The following TBC1D9B variants were observed in gnomAD, a reference collection of about 807,000 sequenced individuals.
TBC1D9B encodes TBC1 domain family, member 9B (with GRAM domain).
In TBC1D9B, 87 loss-of-function variants were observed where a neutral mutation model predicts 121.1. The ratio of observed to expected loss-of-function variants is 0.72; its 90% confidence interval spans 0.60 to 0.86. TBC1D9B has a LOEUF of 0.86. Ranked by LOEUF, TBC1D9B falls within the 40% of genes least tolerant of loss-of-function variation. The pLI, the probability that TBC1D9B is intolerant of heterozygous loss-of-function variation, is 0.00. For synonymous variants in TBC1D9B, 668 were observed against 670.1 expected (o/e 1.00, Z 0.05); for missense variants, 1,540 against 1,628.6 (o/e 0.95, Z 0.94).
At position 179,865,988 on chromosome 5, in the gene TBC1D9B, C is replaced by A; in HGVS notation, c.2864-100G>T. On this transcript the variant is annotated intron_variant, in intron 18 of 20. Transcript: ENST00000355235. This position sits in a 1 kb window ranked among gnomAD's most constrained non-coding sequence, Gnocchi z 5.1. ...GATGTAGTCTGTGTTTCTGTACAGC[C>A]AGCCCCAGGCCAGGCCCTGGGGAGC... is the stretch of plus-strand genomic sequence containing the variant. The A allele has an allele frequency of 1.4e-6, 2 of 1,464,390 alleles. No homozygotes were observed. Among genetic ancestry groups the A allele is most frequent in the Non-Finnish European group, 1.9e-6 (2 of 1,051,096 alleles). The allele number at this position is 1,464,390 out of a possible 1,614,324, so 90.7% of individuals were successfully genotyped here.
intron 6 of TBC1D9B, among the ~76,000 whole-genome samples, 156 bp from the exon 7 acceptor site, chr5:179,888,468 C>T (rs906810456): frequency 6.6e-6 from 1 of 152,142 alleles, no homozygotes; most frequent in Non-Finnish European, 1.5e-5. Flanking sequence ...CCACCCGCTG[C>T]ACCTAACCCC....
At position 179,891,696 on chromosome 5, in the gene TBC1D9B, A is replaced by G. The variant is rs1298749125; in HGVS notation, c.837-110T>C. 1.2e-5 allele frequency: 15 copies of G among 1,245,482 alleles called. No individual in the cohort carries two copies. The highest frequency in any genetic ancestry group is 1.6e-5 in the Non-Finnish European group (14 of 892,366). 77.2% of individuals were successfully genotyped at this position (1,245,482 alleles called of 1,614,324 possible). ...GGCCTGTTTCCACATCAGATTCAGGATCCCTGGGGTGGTCCCTTGAGCAAG... is the reference window on the plus strand; with the variant it reads ...GGCCTGTTTCCACATCAGATTCAGGGTCCCTGGGGTGGTCCCTTGAGCAAG... On this transcript the variant is annotated intron_variant, in intron 5 of 20. Coordinates refer to ENST00000355235, the MANE Select transcript of TBC1D9B (RefSeq NM_015043.4). This position sits in a 1 kb window ranked among gnomAD's most constrained non-coding sequence, Gnocchi z 4.3.
chr5:179,878,289 G>A lies in TBC1D9B; in HGVS notation c.1782+20C>T. The A allele has an allele frequency of 6.2e-7, 1 of 1,601,102 alleles. No homozygotes were observed. Among genetic ancestry groups the A allele is most frequent in the Non-Finnish European group, 8.5e-7 (1 of 1,174,998 alleles). On this transcript the variant is annotated intron_variant, in intron 10 of 20. Transcript: ENST00000355235. Reference sequence around the variant, plus strand: ...CTCTGGTGGCAGATGCTGTCTCTGGGCCCCTGTCAGGCCCCTTACCTGGCA... The same window carrying A: ...CTCTGGTGGCAGATGCTGTCTCTGGACCCCTGTCAGGCCCCTTACCTGGCA...
chr5:179,904,666 C>A lies in TBC1D9B; in HGVS notation c.229+36G>T, dbSNP rs765879826. 6.5e-7 allele frequency: 1 copy of A among 1,527,822 alleles called. No homozygotes were observed. The highest frequency in any genetic ancestry group is 8.9e-7 in the Non-Finnish European group (1 of 1,127,434). 94.6% of individuals were successfully genotyped at this position (1,527,822 alleles called of 1,614,324 possible). ...TCGGCAACGGCCCTTCCAGGGCAGG[C>A]CCTGCCCAGCACCCCTCACCACTCA... On this transcript the variant is annotated intron_variant, in intron 2 of 20. Transcript: ENST00000355235. This position sits in a 1 kb window ranked among gnomAD's most constrained non-coding sequence, Gnocchi z 4.2.
chr5:179,892,932 G>A (rs1760905415), intron 5 of TBC1D9B, among the ~76,000 whole-genome samples: 2 of 152,202 alleles, frequency 1.3e-5, no homozygotes, highest in South Asian at 4.1e-4. Flanking sequence ...ACCTAGGGAT[G>A]GTAAGAGCCC....
Position 179,867,833 on chromosome 5 carries a change from T to C in TBC1D9B, c.2808A>G (p.Glu936=), listed in dbSNP as rs748879457. The C allele has an allele frequency of 6.6e-7, 1 of 1,526,292 alleles. No individual in the cohort carries two copies. Among genetic ancestry groups the C allele is most frequent in the Non-Finnish European group, 8.8e-7 (1 of 1,136,444 alleles). 94.5% of individuals were successfully genotyped at this position (1,526,292 alleles called of 1,614,324 possible). The change falls in exon 18 of 21, where the codon GAA becomes GAG. Residue 936 remains glutamate (E), a synonymous_variant. Transcript: ENST00000355235. The part of the protein sequence containing the change: ...LHLPPALSPE[E]AESALEAAHY... ...GGGCCGCCTCCAGGGCTGACTCGGC[T>C]TCCTCTGGGCTCAGAGCTGTGCTTG...
chr5:179,869,798 T>C lies in TBC1D9B; in HGVS notation c.2762A>G (p.Lys921Arg), dbSNP rs765814771. Residue 921 changes from lysine to arginine, a missense_variant, in exon 17 of 21, where the codon AAG (lysine) becomes AGG (arginine). Transcript: ENST00000355235. ...GGGAAGGTGTAGCTTGTAGAGCACC[T>C]TGAGCTTCTCTGTCAGGTCCCCGTG... ...MYHGDLTEKL[K>R]VLYKLHLPPA... 6.3e-7 allele frequency: 1 copy of C among 1,582,418 alleles called. No homozygotes were observed. Among genetic ancestry groups the C allele is most frequent in the East Asian group, 2.2e-5 (1 of 44,468 alleles).
chr5:179,903,092 C>T (rs1761207386), intron 2 of TBC1D9B, among the ~76,000 whole-genome samples: 1 of 152,212 alleles, frequency 6.6e-6, no homozygotes, highest in Non-Finnish European at 1.5e-5. Flanking sequence ...GTCTCATCAT[C>T]TTCTCCCAGG....
rs1432419733 is a variant in TBC1D9B at position 179,899,275 on chromosome 5, C to G, written c.262G>C (p.Glu88Gln). 1.9e-6 allele frequency: 3 copies of G among 1,613,796 alleles called. No homozygotes were observed. In the South Asian group the frequency reaches 3.3e-5, roughly 18 times the overall value. ...TGGAGCAAGTTATTTTCCAGCCATT[C>G]CCAGTGTTTTGTGATCTCTTTGCGG... is the stretch of plus-strand genomic sequence containing the variant. The part of the protein sequence containing the change: ...SSRKEITKHW[E>Q]WLENNLLQTL... Residue 88 changes from glutamate to glutamine, a missense_variant, in exon 3 of 21, where the codon GAA becomes CAA. Physicochemically the swap from Glu to Gln is conservative, Grantham distance 29 (BLOSUM62 2). Transcript: ENST00000355235.
rs748833395 is a variant in TBC1D9B at position 179,871,473 on chromosome 5, T to G, written c.2473A>C (p.Met825Leu). 3 of 1,612,874 alleles carry G rather than the reference T, an allele frequency of 1.9e-6. No individual in the cohort carries two copies. Among genetic ancestry groups the G allele is most frequent in the Admixed American group, 1.7e-5 (1 of 59,926 alleles). Residue 825 changes from methionine (M) to leucine (L), a missense_variant, in exon 15 of 21, where the codon ATG becomes CTG. Transcript: ENST00000355235. ...FSIEELEDLY[M>L]VFKAKHLASQ... is the part of the protein sequence containing the mutation. Reference sequence around the variant, plus strand: ...CTCTGAGCTGTCACCTTAAACACCATGTAAAGGTCCTCCAGCTCTTCAATG... The same window carrying G: ...CTCTGAGCTGTCACCTTAAACACCAGGTAAAGGTCCTCCAGCTCTTCAATG...
At chr5:179,886,278 C>T (rs762117385) in intron 7 of TBC1D9B, among the ~76,000 whole-genome samples, 3 of 152,202 alleles carry the variant, frequency 2.0e-5, no homozygotes, top group Non-Finnish European at 2.9e-5. Context: ...GCACTCTGTC[C>T]GATGTGTTCA....
At chr5:179,866,294 A>C in intron 18 of TBC1D9B, 1 of 186,146 alleles carries the variant, frequency 5.4e-6, no homozygotes, top group Non-Finnish European at 1.1e-5. Flanking sequence ...GACCCCTTCC[A>C]CCCGCGCCTG....
Position 179,902,809 on chromosome 5 carries a change from C to A in TBC1D9B, c.229+1893G>T, listed in dbSNP as rs1761198545. On this transcript the variant is annotated intron_variant, in intron 2 of 20. Coordinates refer to ENST00000355235, the MANE Select transcript of TBC1D9B (RefSeq NM_015043.4). This position sits in a 1 kb window ranked among gnomAD's most constrained non-coding sequence, Gnocchi z 4.9. ...CAGGAAGCCCCTCCTCTGGCAAACT[C>A]TTGCTGCCCCCAGGGTCCACTCAGG... 6.6e-6 allele frequency among the ~76,000 whole-genome samples: 1 copy of A among 152,112 alleles called. No homozygotes were observed. The highest frequency in any genetic ancestry group is 2.4e-5 in the African/African-American group (1 of 41,424).
chr5:179,905,588 G>A (rs2113655670), intron 1 of TBC1D9B, among the ~76,000 whole-genome samples: 1 of 152,300 alleles, frequency 6.6e-6, no homozygotes, highest in African/African-American at 2.4e-5. Context: ...CACACATTAA[G>A]CAGTCTGTGG....
At position 179,907,852 on chromosome 5, in the gene TBC1D9B, G is replaced by A. The variant is rs541814388; in HGVS notation, c.-31C>T. 1.6e-3 allele frequency: 1,744 copies of A among 1,061,864 alleles called. 6 individuals carry two copies. Among genetic ancestry groups the A allele is most frequent in the Non-Finnish European group, 1.9e-3 (1,643 of 871,752 alleles). The allele number at this position is 1,061,864 out of a possible 1,614,324, so 65.8% of individuals were successfully genotyped here. On this transcript the variant is annotated 5_prime_UTR_variant, in exon 1 of 21. Coordinates refer to ENST00000355235, the MANE Select transcript of TBC1D9B (RefSeq NM_015043.4). The surrounding 1 kb of genome is among the most constrained non-coding windows in gnomAD (Gnocchi z 5.3). ...AGCCGCTCGCACCGGGCCGAGGCCC[G>A]CGAGACGGAAGCGCCCGCCGCCGTC...
At chr5:179,899,154 A>G in intron 3 of TBC1D9B, 35 bp downstream of exon 3, 1 of 1,545,398 alleles carries the variant, frequency 6.5e-7, no homozygotes. Flanking sequence ...CTGGCCAGGG[A>G]AGGGTGAGAA....
rs1265821593 is a variant in TBC1D9B at position 179,878,350 on chromosome 5, T to C, written c.1741A>G (p.Thr581Ala). The change falls in exon 10 of 21, where the codon ACT becomes GCT. Residue 581 changes from threonine (T) to alanine (A), a missense_variant. Physicochemically the swap from Thr to Ala is moderately conservative, Grantham distance 58 (BLOSUM62 0). Transcript: ENST00000355235. Reference sequence around the variant, plus strand: ...GTGGGGTTTCGGAAGGCATAGGCAGTCAGCACCCGCCGGAGGGCAGCAATC... The same window carrying C: ...GTGGGGTTTCGGAAGGCATAGGCAGCCAGCACCCGCCGGAGGGCAGCAATC... ...LGIAALRRVL[T>A]AYAFRNPTIG... is the part of the protein sequence containing the mutation. 6.2e-7 allele frequency: 1 copy of C among 1,613,708 alleles called. No individual in the cohort carries two copies. Among genetic ancestry groups the C allele is most frequent in the Non-Finnish European group, 8.5e-7 (1 of 1,179,986 alleles).
intron 7 of TBC1D9B, among the ~76,000 whole-genome samples, chr5:179,887,180 G>A (rs59390141): frequency 0.048 from 7,384 of 152,278 alleles, 608 homozygotes; most frequent in African/African-American, 0.17. Context: ...GCTCCCAGAC[G>A]AAAGGAGGAA....
intron 7 of TBC1D9B, among the ~76,000 whole-genome samples, chr5:179,881,627 ACT>A (rs1310211988): frequency 6.6e-6 from 1 of 152,056 alleles, no homozygotes; most frequent in African/African-American, 2.4e-5. Flanking sequence ...TACCTCCATT[ACT>A]CTGTTGACCT....
Sources: gnomAD v4.1 joint callset for allele counts (sites outside exome capture counted in the v4.1 genomes callset) on GRCh38, gnomAD v4.1.1 for gene constraint, Gnocchi (gnomAD v3.1) non-coding constraint, MANE v1.5 for transcripts, NCBI Gene and HGNC (gene_info 2026-07-23, HGNC 2026-07-21) for gene names.